Variants in TNKS observed in about 807,000 individuals in gnomAD.
TNKS encodes poly [ADP-ribose] polymerase tankyrase-1.
TNKS carries 72 observed loss-of-function variants against 135.8 expected under a neutral mutation model. That is an observed-to-expected ratio of 0.53 (90% CI 0.44 to 0.64). The LOEUF is 0.64. Among genes scored for constraint, TNKS ranks in the 30% least tolerant of loss-of-function variants. The probability of loss-of-function intolerance (pLI) is 0.00; values close to 1 mark genes in which losing one functional copy is unlikely to be tolerated. For missense variants in TNKS, 1,769 were observed against 1,674.0 expected (o/e 1.06, Z -0.99); for synonymous variants, 849 against 649.3 (o/e 1.31, Z -4.68).
intron 2 of TNKS, among the ~76,000 whole-genome samples, chr8:9,603,823 T>C (rs1799112167): frequency 6.6e-6 from 1 of 152,012 alleles, no homozygotes. Flanking sequence ...ACGAGGATAT[T>C]AAGAGAGAAC....
At chr8:9,578,558 G>C (rs555358264) in intron 1 of TNKS, among the ~76,000 whole-genome samples, 34 of 152,230 alleles carry the variant, frequency 2.2e-4, no homozygotes, top group African/African-American at 8.2e-4. Flanking sequence ...GCTTTACTTT[G>C]GAGACTTTTT....
At chr8:9,626,783 G>C (rs1800071963) in intron 3 of TNKS, among the ~76,000 whole-genome samples, 1 of 152,170 alleles carries the variant, frequency 6.6e-6, no homozygotes, top group Admixed American at 6.5e-5. Context: ...TGCCTCTCCT[G>C]TCAGTGTACT....
chr8:9,653,134 T>C (rs1801205897), intron 3 of TNKS, among the ~76,000 whole-genome samples: 1 of 152,180 alleles, frequency 6.6e-6, no homozygotes, highest in Non-Finnish European at 1.5e-5. Context: ...AAGACTGCTA[T>C]AGTGAAGTAA....
intron 1 of TNKS, among the ~76,000 whole-genome samples, chr8:9,568,145 G>A (rs2129050822): frequency 6.6e-6 from 1 of 152,290 alleles, no homozygotes; most frequent in East Asian, 1.9e-4. Context: ...TCAGTATGAA[G>A]CTCAGCATTA....
intron 3 of TNKS, among the ~76,000 whole-genome samples, chr8:9,650,468 A>G (rs1233665417): frequency 6.6e-6 from 1 of 152,152 alleles, no homozygotes; most frequent in African/African-American, 2.4e-5. Context: ...CACCATATCC[A>G]CACCAACATC....
intron 13 of TNKS, among the ~76,000 whole-genome samples, chr8:9,727,753 T>C (rs933234551): frequency 9.9e-5 from 15 of 152,234 alleles, no homozygotes; most frequent in Admixed American, 6.5e-4. Flanking sequence ...GGTAAACACG[T>C]TTTAAGCTCT....
In TNKS at chr8:9,733,277, A is replaced by G. The variant is rs776773484; in HGVS notation, c.2148-2A>G. On this transcript the variant is annotated splice_acceptor_variant, in intron 14 of 26. Coordinates refer to ENST00000310430, the MANE Select transcript of TNKS (RefSeq NM_003747.3). LOFTEE classifies it high-confidence loss of function. ...ACTTTAAAATAACTTTCTTTTGTTTAGTGGCTTGGTGCCCCTTCATAATGC... is the reference window on the plus strand; with the variant it reads ...ACTTTAAAATAACTTTCTTTTGTTTGGTGGCTTGGTGCCCCTTCATAATGC... 6.4e-7 allele frequency: 1 copy of G among 1,555,418 alleles called. No homozygotes were observed. Among genetic ancestry groups the G allele is most frequent in the East Asian group, 2.3e-5 (1 of 44,164 alleles).
intron 1 of TNKS, among the ~76,000 whole-genome samples, chr8:9,577,024 A>G (rs948908795): frequency 1.3e-5 from 2 of 152,198 alleles, no homozygotes; most frequent in Non-Finnish European, 2.9e-5. Context: ...GGGGACTAGG[A>G]TTGAGGGTAA....
intron 3 of TNKS, among the ~76,000 whole-genome samples, chr8:9,617,517 A>C (rs1052651146): frequency 2.0e-5 from 3 of 152,234 alleles, no homozygotes; most frequent in African/African-American, 7.2e-5. Flanking sequence ...TTTTGTTGGA[A>C]TATAAACCAG....
chr8:9,689,700 CAAAG>C (rs1803171505), intron 5 of TNKS, among the ~76,000 whole-genome samples: 1 of 152,142 alleles, frequency 6.6e-6, no homozygotes, highest in Non-Finnish European at 1.5e-5. Flanking sequence ...GCAGAAACAA[CAAAG>C]ACTTTATCAC....
intron 20 of TNKS, 102 bp downstream of exon 20, chr8:9,752,728 C>T (rs1344235034): frequency 9.4e-6 from 7 of 744,236 alleles, no homozygotes; most frequent in Non-Finnish European, 1.5e-5. Flanking sequence ...AATGCTTCGG[C>T]AGGATTGCTT....
At chr8:9,768,577 G>A (rs1379713275) in intron 25 of TNKS, among the ~76,000 whole-genome samples, 1 of 152,226 alleles carries the variant, frequency 6.6e-6, no homozygotes, top group Non-Finnish European at 1.5e-5. Context: ...TTGCCCATCT[G>A]CAGCTGCAGC....
At chr8:9,599,395 A>T (rs1397773271) in intron 2 of TNKS, among the ~76,000 whole-genome samples, 1 of 152,212 alleles carries the variant, frequency 6.6e-6, no homozygotes, top group African/African-American at 2.4e-5. Context: ...ACAGCAATTC[A>T]CTGTGTTAGG....
chr8:9,705,751 G>A (rs989749124), intron 6 of TNKS, among the ~76,000 whole-genome samples: 1 of 152,050 alleles, frequency 6.6e-6, no homozygotes, highest in Non-Finnish European at 1.5e-5. Context: ...CAAAAAAAGG[G>A]TTTTTTTGGT....
intron 3 of TNKS, among the ~76,000 whole-genome samples, chr8:9,655,017 C>T (rs144050493): frequency 1.2e-3 from 187 of 152,278 alleles, no homozygotes; most frequent in African/African-American, 4.0e-3. Flanking sequence ...GGGTGACAGA[C>T]GGCACCTGGA....
chr8:9,615,464 G>C, intron 2 of TNKS, 118 bp from the exon 3 acceptor site: 1 of 699,070 alleles, frequency 1.4e-6, no homozygotes, highest in Non-Finnish European at 2.1e-6. Flanking sequence ...TTTTTTTCTT[G>C]AAAGAGAAAA....
intron 2 of TNKS, among the ~76,000 whole-genome samples, chr8:9,614,572 C>A (rs1365483047): frequency 6.6e-6 from 1 of 152,168 alleles, no homozygotes; most frequent in African/African-American, 2.4e-5. Flanking sequence ...TGAGTATTAC[C>A]TTCCAAATAT....
At chr8:9,668,457 G>C (rs1802106457) in intron 3 of TNKS, among the ~76,000 whole-genome samples, 2 of 152,220 alleles carry the variant, frequency 1.3e-5, no homozygotes, top group Non-Finnish European at 2.9e-5. Flanking sequence ...AAGAACTTCT[G>C]ATGTACACAT....
In TNKS at chr8:9,715,310, C is replaced by T. The variant is rs541617129; in HGVS notation, c.1750-5064C>T. Among the ~76,000 whole-genome samples the T allele has an allele frequency of 5.9e-5, 9 of 151,520 alleles. 1 individual carries two copies. The East Asian group carries it at 7.8e-4, about 13-fold the overall frequency. On this transcript the variant is annotated intron_variant, in intron 11 of 26. Coordinates refer to ENST00000310430, the MANE Select transcript of TNKS (RefSeq NM_003747.3). Reference sequence around the variant, plus strand: ...GTTTAATAAAGGAACTGTATAGAAACGTGGGCAAGGTTCAAGGAAAGTAGC... The same window carrying T: ...GTTTAATAAAGGAACTGTATAGAAATGTGGGCAAGGTTCAAGGAAAGTAGC...
Sources: allele counts gnomAD v4.1 joint callset (sites outside exome capture counted in the v4.1 genomes callset), GRCh38; gene constraint gnomAD v4.1.1; transcripts MANE v1.5; gene names NCBI Gene and HGNC (gene_info 2026-07-23, HGNC 2026-07-21).